The following EFCAB6 variants were observed in gnomAD, a reference collection of about 807,000 sequenced individuals.
The protein encoded by EFCAB6 is EF-hand calcium binding domain 6, also known as EF-hand calcium-binding domain-containing protein 6.
In EFCAB6, 156 loss-of-function variants were observed where a neutral mutation model predicts 169.8. The ratio of observed to expected loss-of-function variants is 0.92; its 90% CI spans 0.81 to 1.05. The LOEUF (loss-of-function observed/expected upper bound fraction) is 1.05, where lower values mean the gene tolerates loss of function less well. Among genes scored for constraint, EFCAB6 ranks in the 50% least tolerant of loss-of-function variants. EFCAB6 has a pLI of 0.00. For missense variants in EFCAB6, 1,800 were observed against 1,829.1 expected, an observed-to-expected ratio of 0.98 and a Z score of 0.29; for synonymous variants, 698 against 676.4, an observed-to-expected ratio of 1.03 and a Z score of -0.50.
intron 18 of EFCAB6, 56 bp downstream of exon 18, chr22:43,635,046 A>G: frequency 1.4e-6 from 2 of 1,425,036 alleles, no homozygotes; most frequent in Non-Finnish European, 9.9e-7. Context: ...GCTAGCAAAG[A>G]CATGCAGTGT....
chr22:43,605,012 G>A lies in EFCAB6; in HGVS notation c.2681+3470C>T, dbSNP rs117768769. Among the ~76,000 whole-genome samples the A allele has an allele frequency of 7.9e-3, 1,207 of 152,234 alleles. 6 individuals are homozygous for A. Among genetic ancestry groups the A allele is most frequent in the Non-Finnish European group, 0.012 (822 of 68,016 alleles). On this transcript the variant is annotated intron_variant, in intron 22 of 31. Transcript: ENST00000262726. ...AAGTTTGTTTTAGATTCAAAGAGTT[G>A]AATTCTACCTGGTTAAATGAGGCTA...
At chr22:43,556,034 A>C (rs954201307) in intron 26 of EFCAB6, among the ~76,000 whole-genome samples, 1 of 152,198 alleles carries the variant, frequency 6.6e-6, no homozygotes, top group Non-Finnish European at 1.5e-5. Flanking sequence ...CCAGCAAGGG[A>C]AGTTACTCAG....
At chr22:43,538,609 G>A (rs922048001) in intron 28 of EFCAB6, among the ~76,000 whole-genome samples, 10 of 152,102 alleles carry the variant, frequency 6.6e-5, no homozygotes, top group African/African-American at 1.9e-4. Flanking sequence ...GGATGGTATC[G>A]ATCTCTTGAC....
At chr22:43,714,464 G>A (rs2059263646) in intron 9 of EFCAB6, among the ~76,000 whole-genome samples, 1 of 151,858 alleles carries the variant, frequency 6.6e-6, no homozygotes, top group Non-Finnish European at 1.5e-5. Flanking sequence ...CTGTATTCCA[G>A]GAAACTTTGT....
chr22:43,597,340 C>G (rs2052093425), intron 23 of EFCAB6, among the ~76,000 whole-genome samples: 1 of 152,152 alleles, frequency 6.6e-6, no homozygotes. Context: ...TTTACAAACT[C>G]CCCATCTGAC....
chr22:43,774,467 G>T (rs1410397795), intron 3 of EFCAB6, among the ~76,000 whole-genome samples: 1 of 151,808 alleles, frequency 6.6e-6, no homozygotes, highest in Non-Finnish European at 1.5e-5. Flanking sequence ...GGACTGCGCT[G>T]CCATCGGCGA....
chr22:43,710,094 C>A (rs962950401), intron 10 of EFCAB6, among the ~76,000 whole-genome samples: 1 of 152,052 alleles, frequency 6.6e-6, no homozygotes, highest in Non-Finnish European at 1.5e-5. Flanking sequence ...TATTTCCCCC[C>A]AAAAAAGGTT....
intron 17 of EFCAB6, among the ~76,000 whole-genome samples, chr22:43,641,189 C>G (rs1362199343): frequency 6.6e-6 from 1 of 152,184 alleles, no homozygotes; most frequent in Non-Finnish European, 1.5e-5. Flanking sequence ...ACATACGGAA[C>G]AGCTGGCAAC....
chr22:43,596,255 G>A (rs988594567), intron 23 of EFCAB6, among the ~76,000 whole-genome samples: 1 of 151,908 alleles, frequency 6.6e-6, no homozygotes, highest in Non-Finnish European at 1.5e-5. Context: ...GAGCAATTAA[G>A]CAAGAGAAAG....
Position 43,687,550 on chromosome 22 carries a change from A to C in EFCAB6, c.1063T>G (p.Trp355Gly). 3 of 1,605,514 alleles carry C rather than the reference A, an allele frequency of 1.9e-6. No homozygotes were observed. The highest frequency in any genetic ancestry group is 2.5e-6 in the Non-Finnish European group (3 of 1,177,232). The change falls in exon 11 of 32, where the codon TGG (tryptophan) becomes GGG (glycine). Residue 355 changes from tryptophan (W) to glycine (G), a missense_variant. Transcript: ENST00000262726. The part of the protein sequence containing the change: ...FGLKATTKIN[W>G]KQFLTSFHEP... ...TGAAATGATGTTAGAAATTGCTTCCAATTGATTTTAGTGGTGGCTTTAAGT... is the reference window on the plus strand; with the variant it reads ...TGAAATGATGTTAGAAATTGCTTCCCATTGATTTTAGTGGTGGCTTTAAGT...
At chr22:43,695,190 G>A (rs2058530099) in intron 10 of EFCAB6, among the ~76,000 whole-genome samples, 1 of 151,860 alleles carries the variant, frequency 6.6e-6, no homozygotes, top group Non-Finnish European at 1.5e-5. Flanking sequence ...AACATCAATT[G>A]TATTTCTGAT....
intron 21 of EFCAB6, among the ~76,000 whole-genome samples, chr22:43,614,053 G>A (rs867461908): frequency 3.3e-5 from 5 of 151,806 alleles, no homozygotes; most frequent in African/African-American, 9.7e-5. Context: ...TTTATGGATA[G>A]GAAGGCTCAA....
chr22:43,633,420 C>T (rs1017192854), intron 18 of EFCAB6, among the ~76,000 whole-genome samples: 17 of 152,108 alleles, frequency 1.1e-4, no homozygotes, highest in African/African-American at 3.6e-4. Flanking sequence ...TGGTGGTGCA[C>T]GCCTGTAGCC....
chr22:43,595,052 G>C (rs1318211282), intron 23 of EFCAB6, among the ~76,000 whole-genome samples: 1 of 151,736 alleles, frequency 6.6e-6, no homozygotes, highest in Non-Finnish European at 1.5e-5. Context: ...AAATTAAGAA[G>C]AAGATTAAAA....
chr22:43,595,934 T>A (rs1171678529), intron 23 of EFCAB6, among the ~76,000 whole-genome samples: 1 of 152,162 alleles, frequency 6.6e-6, no homozygotes, highest in Non-Finnish European at 1.5e-5. Flanking sequence ...GATGCAAGGA[T>A]GGTTCAACAT....
chr22:43,725,739 C>A (rs2147541772), intron 8 of EFCAB6, among the ~76,000 whole-genome samples: 1 of 152,234 alleles, frequency 6.6e-6, no homozygotes, highest in South Asian at 2.1e-4. Context: ...TACTACATAC[C>A]AATAAATAGG....
chr22:43,595,960 T>C (rs1602498727), intron 23 of EFCAB6, among the ~76,000 whole-genome samples: 1 of 152,288 alleles, frequency 6.6e-6, no homozygotes, highest in African/African-American at 2.4e-5. Context: ...AATTAATAAA[T>C]GTGATACATC....
intron 19 of EFCAB6, 52 bp downstream of exon 19, chr22:43,632,053 T>C: frequency 2.5e-6 from 4 of 1,597,214 alleles, no homozygotes; most frequent in Non-Finnish European, 2.6e-6. Context: ...GGCTGCGTGG[T>C]TGGGAGCAGG....
Position 43,639,722 on chromosome 22 carries a change from T to C in EFCAB6, c.1984-4506A>G, listed in dbSNP as rs192383669. Among the ~76,000 whole-genome samples the C allele has an allele frequency of 1.0e-3, 159 of 152,334 alleles. 1 individual carries two copies. The highest frequency in any genetic ancestry group is 3.7e-3 in the African/African-American group (152 of 41,586). On this transcript the variant is annotated intron_variant, in intron 17 of 31. Coordinates refer to ENST00000262726, the MANE Select transcript of EFCAB6 (RefSeq NM_022785.4). The stretch of plus-strand genomic sequence containing the variant: ...ATTTTAGCCATTATTTCTTCACATA[T>C]ATCCTCTTCCCTAGTCCCTGTCTTT...
Sources: gnomAD v4.1 joint callset for allele counts (sites outside exome capture counted in the v4.1 genomes callset) on GRCh38, gnomAD v4.1.1 for gene constraint, MANE v1.5 for transcripts, NCBI Gene and HGNC (gene_info 2026-07-23, HGNC 2026-07-21) for gene names.